ALOX5AP: variants seen among roughly 807,000 people sequenced by gnomAD.
ALOX5AP encodes arachidonate 5-lipoxygenase activating protein.
A neutral mutation model predicts 18.5 loss-of-function variants in ALOX5AP; 9 were observed. That is an observed-to-expected ratio of 0.49 (90% confidence interval 0.29 to 0.85). ALOX5AP has a LOEUF of 0.85. Ranked by LOEUF, ALOX5AP falls within the 40% of genes least tolerant of loss-of-function variation. ALOX5AP has a pLI of 0.08. For missense variants in ALOX5AP, 172 were observed against 202.5 expected, an observed-to-expected ratio of 0.85 and a Z score of 0.91; for synonymous variants, 81 against 78.6, an observed-to-expected ratio of 1.03 and a Z score of -0.16.
chr13:30,757,386 C>A (rs1303136514), intron 4 of ALOX5AP, among the ~76,000 whole-genome samples: 3 of 152,168 alleles, frequency 2.0e-5, no homozygotes, highest in Non-Finnish European at 2.9e-5. Context: ...CCTGTGCCAT[C>A]TCTTTCTTCA....
At chr13:30,722,339 C>T (rs1190121715) in intron 1 of ALOX5AP, among the ~76,000 whole-genome samples, 1 of 152,184 alleles carries the variant, frequency 6.6e-6, no homozygotes, top group Non-Finnish European at 1.5e-5. Flanking sequence ...TGAACCACAC[C>T]AGCACTGCCT....
intron 1 of ALOX5AP, among the ~76,000 whole-genome samples, chr13:30,742,951 A>C (rs1205799372): frequency 8.1e-6 from 1 of 123,436 alleles, no homozygotes. Context: ...CCACCACCCC[A>C]GTCAATTCCT....
chr13:30,759,328 C>T (rs1951922318), intron 4 of ALOX5AP, among the ~76,000 whole-genome samples: 1 of 152,142 alleles, frequency 6.6e-6, no homozygotes, highest in Non-Finnish European at 1.5e-5. Flanking sequence ...GTTCTCAGCT[C>T]AATGGTGGGT....
chr13:30,763,899 GT>G, intron 4 of ALOX5AP, 44 bp from the exon 5 acceptor site: 6 of 1,570,414 alleles, frequency 3.8e-6, no homozygotes, highest in Non-Finnish European at 5.2e-6. Context: ...TGAAATTGGT[GT>G]CATTCGCACT....
At chr13:30,716,810 T>C (rs1951554091) in intron 1 of ALOX5AP, among the ~76,000 whole-genome samples, 1 of 152,202 alleles carries the variant, frequency 6.6e-6, no homozygotes, top group Non-Finnish European at 1.5e-5. Flanking sequence ...GTTATACTCA[T>C]GGTTGTGATC....
intron 1 of ALOX5AP, among the ~76,000 whole-genome samples, chr13:30,738,592 A>T (rs1250711426): frequency 6.6e-6 from 1 of 152,206 alleles, no homozygotes; most frequent in Non-Finnish European, 1.5e-5. Context: ...GAGAGCCTCC[A>T]ACTTCTTCTG....
intron 2 of ALOX5AP, among the ~76,000 whole-genome samples, chr13:30,746,855 T>C (rs1951813341): frequency 6.6e-6 from 1 of 152,236 alleles, no homozygotes; most frequent in African/African-American, 2.4e-5. Context: ...AATTTTTGGT[T>C]CATGGGGTGT....
chr13:30,739,012 G>A (rs370038094), intron 1 of ALOX5AP, among the ~76,000 whole-genome samples: 25 of 152,212 alleles, frequency 1.6e-4, no homozygotes, highest in African/African-American at 5.8e-4. Context: ...GATTTGACAG[G>A]CTCTAGAAGC....
At chr13:30,741,833 T>TTG (rs1951768491) in intron 1 of ALOX5AP, among the ~76,000 whole-genome samples, 1 of 148,160 alleles carries the variant, frequency 6.7e-6, no homozygotes, top group African/African-American at 2.5e-5. Context: ...GGTTTTCTGT[T>TTG]TTTTTTTTTT....
chr13:30,734,644 G>C (rs1951706575), upstream of ALOX5AP, among the ~76,000 whole-genome samples: 2 of 152,192 alleles, frequency 1.3e-5, no homozygotes. Context: ...TTATTCAGTT[G>C]AAAAGAATTT....
intron 2 of ALOX5AP, among the ~76,000 whole-genome samples, chr13:30,749,293 AAT>A (rs1233234599): frequency 1.3e-5 from 2 of 152,186 alleles, no homozygotes; most frequent in East Asian, 3.8e-4. Flanking sequence ...ACCCAGACAA[AAT>A]CGCTACTTAA....
At chr13:30,715,780 G>T (rs893417049) in intron 1 of ALOX5AP, among the ~76,000 whole-genome samples, 5 of 150,188 alleles carry the variant, frequency 3.3e-5, no homozygotes, top group Admixed American at 6.6e-5. Flanking sequence ...TGGGCTTCTG[G>T]TTTTTTTTCT....
In ALOX5AP at chr13:30,756,022, A is replaced by G. The variant is rs200075156; in HGVS notation, c.320A>G (p.Gln107Arg). The change falls in exon 4 of 5, where the codon CAG becomes CGG. Residue 107 changes from glutamine to arginine, a missense_variant. Transcript: ENST00000380490. Reference protein sequence around the residue: ...YFVGYLGERTQSTPGYIFGKR... With the variant: ...YFVGYLGERTRSTPGYIFGKR... ...GTCGGTTACCTAGGAGAGAGAACGC[A>G]GAGGTAGGTAACTGGGACTACTAAA... is the stretch of plus-strand genomic sequence containing the variant. The G allele has an allele frequency of 3.1e-6, 5 of 1,613,970 alleles. No individual in the cohort carries two copies. In the South Asian group the frequency reaches 3.3e-5, roughly 11 times the overall value.
Position 30,752,055 on chromosome 13 carries a change from G to C in ALOX5AP, c.174G>C (p.Gln58His). The C allele has an allele frequency of 6.2e-7, 1 of 1,614,148 alleles. No individual in the cohort carries two copies. The highest frequency in any genetic ancestry group is 8.5e-7 in the Non-Finnish European group (1 of 1,180,002). Residue 58 changes from glutamine (Q) to histidine (H), a missense_variant, in exon 3 of 5, where the codon CAG becomes CAC. Coordinates refer to ENST00000380490, the MANE Select transcript of ALOX5AP (RefSeq NM_001629.4). ...TCCTTGTTTGTTTATTCTGCAGCCA[G>C]AACTGTGTAGATGCGTACCCCACTT... ...LAFERVYTAN[Q>H]NCVDAYPTFL...
In ALOX5AP at chr13:30,741,838, T is replaced by TG. The variant is rs1555255438; in HGVS notation, c.71-2222_71-2221insG. Among the ~76,000 whole-genome samples the TG allele has an allele frequency of 7.9e-5, 12 of 151,064 alleles. No individual in the cohort carries two copies. The South Asian group carries it at 1.0e-3, about 13-fold the overall frequency. On this transcript the variant is annotated intron_variant, in intron 1 of 4. Coordinates refer to ENST00000380490, the MANE Select transcript of ALOX5AP (RefSeq NM_001629.4). ...CCAGACAAATGGTTTTCTGTTTTTT[T>TG]TTTTTTTTTTTAATATTTTTGGTCA...
intron 1 of ALOX5AP, among the ~76,000 whole-genome samples, chr13:30,729,403 T>C (rs1432978399): frequency 1.3e-5 from 2 of 152,154 alleles, no homozygotes; most frequent in African/African-American, 2.4e-5. Context: ...CCTTTCCCCA[T>C]TGAACTACTT....
At chr13:30,716,894 T>C (rs928728710) in intron 1 of ALOX5AP, among the ~76,000 whole-genome samples, 7 of 152,356 alleles carry the variant, frequency 4.6e-5, no homozygotes, top group Non-Finnish European at 1.0e-4. Context: ...GGACAGTGCC[T>C]GACATGGAGC....
At chr13:30,755,599 C>T (rs943690451) in intron 3 of ALOX5AP, among the ~76,000 whole-genome samples, 1 of 152,270 alleles carries the variant, frequency 6.6e-6, no homozygotes, top group Middle Eastern at 3.4e-3. Flanking sequence ...ATACACTAAC[C>T]CTATCAATAG....
At chr13:30,733,798 A>G (rs879492348), upstream of ALOX5AP, among the ~76,000 whole-genome samples, 4 of 152,060 alleles carry the variant, frequency 2.6e-5, no homozygotes, top group Non-Finnish European at 5.9e-5. Flanking sequence ...GAGCTGGGCC[A>G]TCCATCTTCT....
Sources: allele counts gnomAD v4.1 joint callset (sites outside exome capture counted in the v4.1 genomes callset), GRCh38; gene constraint gnomAD v4.1.1; transcripts MANE v1.5; gene names NCBI Gene and HGNC (gene_info 2026-07-23, HGNC 2026-07-21).